CNGA1: variants seen among roughly 807,000 people sequenced by gnomAD.
CNGA1 encodes the protein cyclic nucleotide gated channel subunit alpha 1, also known as cyclic nucleotide-gated channel alpha-1.
CNGA1 carries 53 observed loss-of-function variants against 69.7 expected under a neutral mutation model. The observed-to-expected ratio is 0.76, with a 90% CI of 0.61 to 0.96. The LOEUF is 0.96. CNGA1 is among the 40% of genes least tolerant of loss of function. The pLI, the probability that CNGA1 is intolerant of heterozygous loss-of-function variation, is 0.00. For missense variants in CNGA1, 739 were observed against 811.2 expected (o/e 0.91, Z 1.08); for synonymous variants, 249 against 283.5 (o/e 0.88, Z 1.22).
At chr4:47,977,724 C>T (rs967172462) in intron 3 of CNGA1, among the ~76,000 whole-genome samples, 2 of 152,030 alleles carry the variant, frequency 1.3e-5, no homozygotes, top group African/African-American at 4.8e-5. Flanking sequence ...TAAAAAGCAA[C>T]AAAATTTTTT....
chr4:47,980,452 T>C (rs910627647), intron 3 of CNGA1, among the ~76,000 whole-genome samples: 10 of 147,336 alleles, frequency 6.8e-5, no homozygotes, highest in Admixed American at 2.1e-4. Context: ...TTGATAACAG[T>C]TTTTTATTTT....
chr4:47,976,230 TAC>T (rs1560301052), intron 3 of CNGA1, among the ~76,000 whole-genome samples: 13 of 64,616 alleles, frequency 2.0e-4, no homozygotes, highest in South Asian at 4.0e-4. Flanking sequence ...CATATATATA[TAC>T]ATATATATGT....
intron 4 of CNGA1, among the ~76,000 whole-genome samples, chr4:47,952,304 G>T (rs1361199511): frequency 6.6e-6 from 1 of 152,044 alleles, no homozygotes; most frequent in Non-Finnish European, 1.5e-5. Flanking sequence ...GAAGGCAGAG[G>T]TTGCAGTGAG....
chr4:47,976,062 A>G (rs914790966), intron 3 of CNGA1, among the ~76,000 whole-genome samples: 2 of 150,486 alleles, frequency 1.3e-5, no homozygotes, highest in African/African-American at 4.9e-5. Context: ...AAAAAAGTCC[A>G]TGAAATCAAT....
intron 3 of CNGA1, among the ~76,000 whole-genome samples, chr4:47,953,476 T>G (rs1033463679): frequency 6.6e-6 from 1 of 152,218 alleles, no homozygotes; most frequent in Non-Finnish European, 1.5e-5. Context: ...AAAAGGGTCT[T>G]GAGTAGTATT....
intron 6 of CNGA1, among the ~76,000 whole-genome samples, chr4:47,944,581 G>T (rs181833680): frequency 6.6e-6 from 1 of 152,274 alleles, no homozygotes; most frequent in East Asian, 1.9e-4. Flanking sequence ...GGTATCAAAA[G>T]ACTCAGAAAA....
At chr4:48,001,493 T>C (rs189343815) in intron 2 of CNGA1, among the ~76,000 whole-genome samples, 2 of 152,252 alleles carry the variant, frequency 1.3e-5, no homozygotes, top group Admixed American at 1.3e-4. Flanking sequence ...ACACAGCTGA[T>C]TTAGCTATAT....
chr4:47,991,083 G>GT (rs547750694), intron 2 of CNGA1, among the ~76,000 whole-genome samples: 15 of 152,076 alleles, frequency 9.9e-5, no homozygotes, highest in African/African-American at 3.1e-4. Context: ...CTGATTCTAT[G>GT]TTTTTTGCAA....
chr4:47,940,499 C>G (rs1739009647), intron 10 of CNGA1, among the ~76,000 whole-genome samples: 1 of 152,236 alleles, frequency 6.6e-6, no homozygotes, highest in Non-Finnish European at 1.5e-5. Flanking sequence ...TTCCTCTCGC[C>G]TGGCACAAAA....
intron 3 of CNGA1, chr4:47,971,183 T>A: frequency 2.5e-6 from 1 of 403,260 alleles, no homozygotes; most frequent in South Asian, 1.8e-5. Context: ...TGTGTGTGTG[T>A]GTGTGTGTGT....
At chr4:47,964,322 T>A (rs1740613062) in intron 3 of CNGA1, among the ~76,000 whole-genome samples, 1 of 152,156 alleles carries the variant, frequency 6.6e-6, no homozygotes, top group Non-Finnish European at 1.5e-5. Context: ...AATATAATTC[T>A]GATTGTCAGA....
chr4:47,951,168 G>A (rs1012948663), intron 5 of CNGA1, among the ~76,000 whole-genome samples, 185 bp downstream of exon 5: 9 of 152,152 alleles, frequency 5.9e-5, no homozygotes, highest in African/African-American at 1.7e-4. Flanking sequence ...AGCTTGCTCC[G>A]AAACAACAGT....
chr4:47,943,849 G>A (rs1739240936), intron 6 of CNGA1, among the ~76,000 whole-genome samples: 1 of 152,204 alleles, frequency 6.6e-6, no homozygotes, highest in African/African-American at 2.4e-5. Flanking sequence ...AACCCTGACT[G>A]AAGTCATTTT....
chr4:48,012,599 A>AAG (rs1715218864), intron 1 of CNGA1, among the ~76,000 whole-genome samples: 1 of 91,558 alleles, frequency 1.1e-5, no homozygotes, highest in Non-Finnish European at 1.9e-5. Flanking sequence ...TTTAGAATTT[A>AAG]GCCACTTCTC....
intron 2 of CNGA1, among the ~76,000 whole-genome samples, chr4:48,003,127 G>A (rs563950223): frequency 4.6e-5 from 7 of 152,100 alleles, no homozygotes; most frequent in Non-Finnish European, 8.8e-5. Context: ...ATACATTCTA[G>A]GGACACATGA....
chr4:47,972,263 T>C (rs1216092715), intron 3 of CNGA1, among the ~76,000 whole-genome samples: 1 of 152,228 alleles, frequency 6.6e-6, no homozygotes, highest in Non-Finnish European at 1.5e-5. Flanking sequence ...CTATTTTTAT[T>C]TCTTTCCTAC....
chr4:47,947,907 A>G (rs566484357), intron 6 of CNGA1, among the ~76,000 whole-genome samples: 50 of 152,288 alleles, frequency 3.3e-4, no homozygotes, highest in Admixed American at 9.2e-4. Flanking sequence ...GCTCGTAGTG[A>G]ACATGCCTGT....
chr4:47,965,479 T>C (rs959876982), intron 3 of CNGA1, among the ~76,000 whole-genome samples: 4 of 151,170 alleles, frequency 2.6e-5, no homozygotes, highest in African/African-American at 7.3e-5. Context: ...CAGACTGGAG[T>C]ACGGTGGTGT....
Position 47,936,541 on chromosome 4 carries a change from C to T in CNGA1, c.1941G>A (p.Met647Ile). 2 of 1,614,198 alleles carry T rather than the reference C, an allele frequency of 1.2e-6. No homozygotes were observed. The highest frequency in any genetic ancestry group is 1.7e-6 in the Non-Finnish European group (2 of 1,180,026). The change falls in exon 11 of 11, where the codon ATG (methionine) becomes ATA (isoleucine). Residue 647 changes from methionine to isoleucine, a missense_variant. Transcript: ENST00000514170. The stretch of plus-strand genomic sequence containing the variant: ...TTAATCTTTGTTTCAGTTTCTGCTG[C>T]ATGGACTCATACTCAGCCAAGATTC... ...FARILAEYES[M>I]QQKLKQRLTK...
Sources: allele counts gnomAD v4.1 joint callset (sites outside exome capture counted in the v4.1 genomes callset), GRCh38; gene constraint gnomAD v4.1.1; transcripts MANE v1.5; gene names NCBI Gene and HGNC (gene_info 2026-07-23, HGNC 2026-07-21).